Variants in ABCB1 observed in about 807,000 individuals in gnomAD.
The protein encoded by ABCB1 is ATP binding cassette subfamily B member 1.
A neutral mutation model predicts 142.0 loss-of-function variants in ABCB1; 69 were observed. The ratio of observed to expected loss-of-function variants is 0.49; its 90% CI spans 0.40 to 0.59. The LOEUF is 0.59. ABCB1 is among the 20% of genes least tolerant of loss of function. The probability of loss-of-function intolerance (pLI) is 0.00; values close to 1 mark genes in which losing one functional copy is unlikely to be tolerated. For synonymous variants in ABCB1, 532 were observed against 539.2 expected, an observed-to-expected ratio of 0.99 and a Z score of 0.18; for missense variants, 1,326 against 1,554.7, an observed-to-expected ratio of 0.85 and a Z score of 2.47.
chr7:87,560,895 A>G (rs1051593526), intron 8 of ABCB1, among the ~76,000 whole-genome samples: 3 of 152,200 alleles, frequency 2.0e-5, no homozygotes, highest in African/African-American at 4.8e-5. Context: ...GAATAGGGGC[A>G]GAAAGGAAAA....
chr7:87,623,916 CCT>C (rs903932024), intron 1 of ABCB1, among the ~76,000 whole-genome samples: 20 of 152,138 alleles, frequency 1.3e-4, no homozygotes, highest in Admixed American at 2.6e-4. Flanking sequence ...TTTTTTCTCC[CCT>C]TTCATAACTT....
At position 87,544,576 on chromosome 7, in the gene ABCB1, T is replaced by G. The variant is rs28381922; in HGVS notation, c.2064+247A>C. Among the ~76,000 whole-genome samples, 1,401 of 152,284 alleles carry G rather than the reference T, an allele frequency of 9.2e-3. 21 individuals carry two copies. Among genetic ancestry groups the G allele is most frequent in the African/African-American group, 0.032 (1,345 of 41,558 alleles). On this transcript the variant is annotated intron_variant, in intron 16 of 27. Transcript: ENST00000622132. ...TATTTATAAGCAGGAGTAAACAGAA[T>G]GGAAATTTTGATATTTGAAGACCCG...
At chr7:87,613,027 T>A (rs1315599035) in intron 1 of ABCB1, among the ~76,000 whole-genome samples, 8 of 140,196 alleles carry the variant, frequency 5.7e-5, no homozygotes, top group South Asian at 2.4e-4. Flanking sequence ...TTTTTTTTTT[T>A]AATCTATTGT....
intron 21 of ABCB1, chr7:87,521,472 A>G (rs1247349240): frequency 1.4e-6 from 1 of 729,236 alleles, no homozygotes; most frequent in Non-Finnish European, 2.5e-6. Context: ...TGTCTAAGTC[A>G]GAGTCTCCTA....
chr7:87,610,750 G>A (rs1003344162), intron 1 of ABCB1, among the ~76,000 whole-genome samples: 2 of 152,088 alleles, frequency 1.3e-5, no homozygotes. Flanking sequence ...TTGCCACTTG[G>A]GTGGCTCTAT....
chr7:87,560,060 C>T (rs1038098202), intron 8 of ABCB1, among the ~76,000 whole-genome samples: 1 of 152,062 alleles, frequency 6.6e-6, no homozygotes, highest in African/African-American at 2.4e-5. Flanking sequence ...AATATTTACC[C>T]CAACTGGTGT....
intron 1 of ABCB1, chr7:87,627,709 G>A (rs1217355445): frequency 6.6e-6 from 1 of 152,276 alleles, no homozygotes; most frequent in Non-Finnish European, 1.5e-5. Context: ...GCTGGACCGA[G>A]GCCGCGTCGT....
intron 25 of ABCB1, among the ~76,000 whole-genome samples, chr7:87,513,597 A>G (rs1275624999): frequency 1.3e-5 from 2 of 152,174 alleles, no homozygotes; most frequent in African/African-American, 4.8e-5. Flanking sequence ...CCACTACTCA[A>G]ACTAAACTCC....
upstream of ABCB1, among the ~76,000 whole-genome samples, chr7:87,605,131 C>G (rs1819601094): frequency 6.6e-6 from 1 of 152,096 alleles, no homozygotes; most frequent in Non-Finnish European, 1.5e-5. Flanking sequence ...AACTATCTCC[C>G]TTATCAACTT....
intron 1 of ABCB1, chr7:87,709,358 A>G: frequency 1.0e-6 from 1 of 985,382 alleles, no homozygotes; most frequent in Non-Finnish European, 1.2e-6. Flanking sequence ...TGAAATTTCA[A>G]GAGAGAATTT....
chr7:87,611,052 T>C (rs1199326982), intron 1 of ABCB1, among the ~76,000 whole-genome samples: 1 of 152,230 alleles, frequency 6.6e-6, no homozygotes, highest in Non-Finnish European at 1.5e-5. Flanking sequence ...TCTGGTCTTC[T>C]TCTAATTAAC....
Position 87,544,252 on chromosome 7 carries a change from G to C in ABCB1, c.2088C>G (p.Ser696=), listed in dbSNP as rs775746831. 11 of 1,612,950 alleles carry C rather than the reference G, an allele frequency of 6.8e-6. No individual in the cohort carries two copies. Among genetic ancestry groups the C allele is most frequent in the Non-Finnish European group, 8.5e-6 (10 of 1,179,862 alleles). Residue 696 remains serine (S), a synonymous_variant, in exon 17 of 28, where the codon TCC becomes TCG. Coordinates refer to ENST00000622132, the MANE Select transcript of ABCB1 (RefSeq NM_001348946.2). ...EALDESIPPV[S]FWRIMKLNLT... ...AATTTAGCTTCATAATCCTCCAAAA[G>C]GAAACTGGAGGTATACTTTCATCCT...
At chr7:87,652,642 A>ATATATATATATATATATATATATG in intron 1 of ABCB1, among the ~76,000 whole-genome samples, 1 of 148,696 alleles carries the variant, frequency 6.7e-6, no homozygotes, top group Non-Finnish European at 1.5e-5. Flanking sequence ...ATATATATAT[A>ATATATATATATATATATATATATG]TATAGTAGGA....
At chr7:87,544,555 T>A (rs1816689215) in intron 16 of ABCB1, among the ~76,000 whole-genome samples, 1 of 152,214 alleles carries the variant, frequency 6.6e-6, no homozygotes, top group African/African-American at 2.4e-5. Flanking sequence ...CAAGAGTATT[T>A]ATAAGCAGGA....
At chr7:87,559,055 T>G (rs1817435489) in intron 8 of ABCB1, among the ~76,000 whole-genome samples, 1 of 152,126 alleles carries the variant, frequency 6.6e-6, no homozygotes, top group Non-Finnish European at 1.5e-5. Context: ...TATATCTGCC[T>G]GGTAATATAG....
At chr7:87,639,236 C>T (rs998647368) in intron 1 of ABCB1, among the ~76,000 whole-genome samples, 5 of 149,324 alleles carry the variant, frequency 3.3e-5, no homozygotes, top group African/African-American at 9.8e-5. Flanking sequence ...TTGTTGATTT[C>T]GAATGAATTC....
chr7:87,569,618 G>T (rs961455273), intron 5 of ABCB1, among the ~76,000 whole-genome samples: 1 of 151,924 alleles, frequency 6.6e-6, no homozygotes, highest in Non-Finnish European at 1.5e-5. Context: ...TTGTCATGTC[G>T]TATGAAAACA....
Position 87,662,327 on chromosome 7 carries a change from A to G in ABCB1, c.-331+50834T>C, listed in dbSNP as rs1386258489. 2.0e-5 allele frequency among the ~76,000 whole-genome samples: 3 copies of G among 152,170 alleles called. No individual in the cohort carries two copies. The East Asian group carries it at 5.8e-4, about 29-fold the overall frequency. ...GGTGTCAGTCAAGAAATCCTTGCCC[A>G]GTCCAATGTCCTGGAGACTTTCCAC... On this transcript the variant is annotated intron_variant, in intron 1 of 28. Transcript: ENST00000265724.
intron 22 of ABCB1, among the ~76,000 whole-genome samples, chr7:87,520,458 C>T (rs984629729): frequency 6.6e-6 from 1 of 152,114 alleles, no homozygotes; most frequent in Admixed American, 6.5e-5. Context: ...TTTCAGGTTC[C>T]ATAAATAACT....
Sources: allele counts gnomAD v4.1 joint callset (sites outside exome capture counted in the v4.1 genomes callset), GRCh38; gene constraint gnomAD v4.1.1; transcripts MANE v1.5; gene names NCBI Gene and HGNC (gene_info 2026-07-23, HGNC 2026-07-21).